CLTCL1: variants seen among roughly 807,000 people sequenced by gnomAD.
CLTCL1 encodes clathrin heavy chain like 1.
CLTCL1 carries 159 observed loss-of-function variants against 190.0 expected under a neutral mutation model. The ratio of observed to expected loss-of-function variants is 0.84; its 90% CI spans 0.74 to 0.95. CLTCL1 has a LOEUF of 0.95. Ranked by LOEUF, CLTCL1 falls within the 40% of genes least tolerant of loss-of-function variation. CLTCL1 has a pLI of 0.00. For synonymous variants in CLTCL1, 752 were observed against 769.6 expected, an observed-to-expected ratio of 0.98 and a Z score of 0.38; for missense variants, 1,878 against 2,033.4, an observed-to-expected ratio of 0.92 and a Z score of 1.47.
rs1425717233 is a variant in CLTCL1, at chr22:19,180,192, C to G, written c.*20+7G>C. On this transcript the variant is annotated splice_region_variant and intron_variant, in intron 32 of 32. Coordinates refer to ENST00000427926, the MANE Select transcript of CLTCL1 (RefSeq NM_007098.4). ...AGGATAAGCTAGTCTCCAAATGGGACACTTACTTAGTGCAATCAGCTGGGT... is the reference window on the plus strand; with the variant it reads ...AGGATAAGCTAGTCTCCAAATGGGAGACTTACTTAGTGCAATCAGCTGGGT... 1 of 1,612,732 alleles carries G rather than the reference C, an allele frequency of 6.2e-7. No homozygotes were observed. The highest frequency in any genetic ancestry group is 8.5e-7 in the Non-Finnish European group (1 of 1,179,010).
At chr22:19,215,820 C>G (rs1555949140) in intron 19 of CLTCL1, among the ~76,000 whole-genome samples, 1 of 152,184 alleles carries the variant, frequency 6.6e-6, no homozygotes, top group South Asian at 2.1e-4. Context: ...TCATAAAATG[C>G]CAGCTCCCTT....
rs781824969 is a variant in CLTCL1 at position 19,233,187 on chromosome 22, T to C, written c.1500A>G (p.Lys500=). 1 of 1,613,560 alleles carries C rather than the reference T, an allele frequency of 6.2e-7. No homozygotes were observed. Residue 500 remains lysine (K), a synonymous_variant, in exon 9 of 33, where the codon AAA becomes AAG. Coordinates refer to ENST00000427926, the MANE Select transcript of CLTCL1 (RefSeq NM_007098.4). Reference sequence around the variant, plus strand: ...TTACCTTTTTGGCATAGAGCACAATTTTCTGGAATTGGCCTGTTTCTGCAA... The same window carrying C: ...TTACCTTTTTGGCATAGAGCACAATCTTCTGGAATTGGCCTGTTTCTGCAA... The part of the protein sequence containing the change: ...QCFAETGQFQ[K]IVLYAKKVGY...
intron 1 of CLTCL1, among the ~76,000 whole-genome samples, chr22:19,285,513 T>G (rs2087876112): frequency 6.6e-6 from 1 of 152,162 alleles, no homozygotes; most frequent in Non-Finnish European, 1.5e-5. Flanking sequence ...TGCACAAGAC[T>G]CTATATTTAT....
At chr22:19,246,870 TG>T (rs2086436224) in intron 3 of CLTCL1, among the ~76,000 whole-genome samples, 1 of 152,218 alleles carries the variant, frequency 6.6e-6, no homozygotes, top group South Asian at 2.1e-4. Context: ...GTTGTTGAGT[TG>T]TAAGTGTTCT....
At chr22:19,247,445 T>C (rs1180765459) in intron 3 of CLTCL1, among the ~76,000 whole-genome samples, 1 of 152,244 alleles carries the variant, frequency 6.6e-6, no homozygotes. Context: ...GTAAAGCATA[T>C]ACATGTAACT....
intron 14 of CLTCL1, among the ~76,000 whole-genome samples, chr22:19,223,667 G>A (rs1184273011): frequency 3.3e-5 from 5 of 152,230 alleles, no homozygotes; most frequent in African/African-American, 1.2e-4. Context: ...GCAGCAATAA[G>A]TGCCAGATAC....
intron 1 of CLTCL1, among the ~76,000 whole-genome samples, 153 bp downstream of exon 1, chr22:19,291,447 G>A (rs2088118718): frequency 1.3e-5 from 2 of 152,116 alleles, no homozygotes; most frequent in African/African-American, 4.8e-5. Flanking sequence ...CCGCGCCCGG[G>A]ACGCCGCAGC....
intron 15 of CLTCL1, 67 bp downstream of exon 15, chr22:19,222,617 G>A: frequency 6.5e-7 from 1 of 1,541,694 alleles, no homozygotes; most frequent in Non-Finnish European, 8.8e-7. Flanking sequence ...GGCAGCCTCT[G>A]AGGGGAAGAC....
intron 22 of CLTCL1, among the ~76,000 whole-genome samples, chr22:19,205,090 T>TC (rs2085009499): frequency 3.6e-5 from 3 of 84,496 alleles, no homozygotes; most frequent in Non-Finnish European, 6.5e-5. Flanking sequence ...TGATCACTGA[T>TC]TAAAAAAAAA....
chr22:19,188,812 C>T (rs2084398210), intron 27 of CLTCL1, among the ~76,000 whole-genome samples: 1 of 151,890 alleles, frequency 6.6e-6, no homozygotes, highest in South Asian at 2.1e-4. Flanking sequence ...CAGGGTTTCA[C>T]CATATTGGTC....
intron 2 of CLTCL1, among the ~76,000 whole-genome samples, chr22:19,254,880 C>T (rs2086700436): frequency 6.6e-6 from 1 of 152,136 alleles, no homozygotes; most frequent in Non-Finnish European, 1.5e-5. Context: ...TAGGGCAGTA[C>T]AATTCTAGAC....
At chr22:19,201,192 A>T in intron 23 of CLTCL1, 137 bp downstream of exon 23, 6 of 1,037,226 alleles carry the variant, frequency 5.8e-6, no homozygotes, top group Non-Finnish European at 8.1e-6. Flanking sequence ...TAGCCTAGAG[A>T]CTCTAAGAAT....
At chr22:19,200,398 C>T (rs558791546) in intron 23 of CLTCL1, among the ~76,000 whole-genome samples, 3 of 152,316 alleles carry the variant, frequency 2.0e-5, no homozygotes, top group African/African-American at 7.2e-5. Context: ...CATACACCAG[C>T]ACCCTGACAA....
At chr22:19,215,154 G>A (rs2085344261) in intron 19 of CLTCL1, among the ~76,000 whole-genome samples, 1 of 152,166 alleles carries the variant, frequency 6.6e-6, no homozygotes, top group Non-Finnish European at 1.5e-5. Context: ...ACAGAATATC[G>A]TAGCCACCTC....
At chr22:19,259,266 C>T (rs782013154) in intron 2 of CLTCL1, among the ~76,000 whole-genome samples, 38 of 152,008 alleles carry the variant, frequency 2.5e-4, no homozygotes, top group African/African-American at 7.2e-4. Flanking sequence ...CCACCATGCC[C>T]GACTAATTTT....
In CLTCL1 at chr22:19,291,608, G is replaced by C. The variant is rs782117964; in HGVS notation, c.34C>G (p.His12Asp). Residue 12 changes from histidine to aspartate, a missense_variant, in exon 1 of 33, where the codon CAC (histidine) becomes GAC (aspartate). By Grantham distance (81) the His-to-Asp change is moderately conservative. Transcript: ENST00000427926. ...AQILPVRFQEHFQLQNLGINP... is the reference protein window; with the variant it reads ...AQILPVRFQEDFQLQNLGINP... ...AGCCCGCCGGGCCTCACCTGGAAGT[G>C]CTCCTGAAAGCGAACAGGGAGGATC... The C allele has an allele frequency of 5.0e-6, 7 of 1,397,162 alleles. No homozygotes were observed. The South Asian group carries it at 1.1e-4, about 21-fold the overall frequency. 86.5% of individuals were successfully genotyped at this position (1,397,162 alleles called of 1,614,324 possible).
intron 24 of CLTCL1, among the ~76,000 whole-genome samples, chr22:19,197,795 C>T (rs1340762738): frequency 2.6e-5 from 4 of 152,156 alleles, no homozygotes; most frequent in Non-Finnish European, 5.9e-5. Flanking sequence ...CCAGCACACT[C>T]TCTGGGTTTT....
At chr22:19,229,488 G>C (rs1239789357) in intron 11 of CLTCL1, among the ~76,000 whole-genome samples, 1 of 152,116 alleles carries the variant, frequency 6.6e-6, no homozygotes, top group East Asian at 1.9e-4. Context: ...AAAAGTTCTG[G>C]AACTATGTAG....
chr22:19,183,496 T>C lies in CLTCL1; in HGVS notation c.4721A>G (p.Tyr1574Cys), dbSNP rs781940566. Residue 1574 changes from tyrosine (Y) to cysteine (C), a missense_variant, in exon 30 of 33, where the codon TAT becomes TGT. Transcript: ENST00000427926. ...ECFAACLFTC[Y>C]DLLRPDMVLE... ...CACCATGTCTGGGCGAAGCAGGTCA[T>C]AGCAGGTGAAGAGACAAGCTGCGAA... 5.0e-6 allele frequency: 8 copies of C among 1,610,122 alleles called. No individual in the cohort carries two copies. The highest frequency in any genetic ancestry group is 1.1e-5 in the South Asian group (1 of 91,068).
Sources: allele counts gnomAD v4.1 joint callset (sites outside exome capture counted in the v4.1 genomes callset), GRCh38; gene constraint gnomAD v4.1.1; transcripts MANE v1.5; gene names NCBI Gene and HGNC (gene_info 2026-07-23, HGNC 2026-07-21).